CLDN14: variants seen among roughly 807,000 people sequenced by gnomAD.
The protein encoded by CLDN14 is claudin 14, also known as claudin-14.
CLDN14 carries 2 observed loss-of-function variants against 2.1 expected under a neutral mutation model. The observed-to-expected ratio is 0.96, with a 90% CI of 0.39 to 3.01. The LOEUF is 3.01. CLDN14 is among the 30% of genes most tolerant of loss of function. CLDN14 has a pLI of 0.09. For missense variants in CLDN14, 298 were observed against 328.0 expected, an observed-to-expected ratio of 0.91 and a Z score of 0.71; for synonymous variants, 136 against 154.4, an observed-to-expected ratio of 0.88 and a Z score of 0.88.
At chr21:36,523,813 AAGAAAGAAAG>A (rs2087297843) in intron 1 of CLDN14, among the ~76,000 whole-genome samples, 2 of 138,356 alleles carry the variant, frequency 1.4e-5, no homozygotes, top group East Asian at 4.0e-4. Flanking sequence ...GAAAGAAAGA[AAGAAAGAAAG>A]AAAGAAAGAA....
chr21:36,574,952 C>A (rs1360956842), intron 1 of CLDN14, among the ~76,000 whole-genome samples: 1 of 152,174 alleles, frequency 6.6e-6, no homozygotes, highest in African/African-American at 2.4e-5. Flanking sequence ...TCTTTAGATA[C>A]TGGCAGAGAT....
At chr21:36,470,263 G>A (rs558041508) in intron 1 of CLDN14, among the ~76,000 whole-genome samples, 1 of 152,266 alleles carries the variant, frequency 6.6e-6, no homozygotes, top group South Asian at 2.1e-4. Context: ...TAGGGTCATT[G>A]CAGATGTAAT....
chr21:36,467,152 G>A (rs1315083446), intron 1 of CLDN14, among the ~76,000 whole-genome samples: 2 of 152,184 alleles, frequency 1.3e-5, no homozygotes, highest in Non-Finnish European at 2.9e-5. Flanking sequence ...TTCTGTGTGT[G>A]TCCATATAAA....
chr21:36,535,013 T>A (rs914148), intron 1 of CLDN14, among the ~76,000 whole-genome samples: 72,526 of 151,990 alleles, frequency 0.48, 19,454 homozygotes, highest in Middle Eastern at 0.62. Flanking sequence ...AAAGGAGAGG[T>A]GGAAACAACA....
intron 1 of CLDN14, among the ~76,000 whole-genome samples, chr21:36,475,157 T>G (rs2086761141): frequency 6.6e-6 from 1 of 152,154 alleles, no homozygotes; most frequent in Non-Finnish European, 1.5e-5. Flanking sequence ...CCCAGCACCA[T>G]CAACTGCACT....
At chr21:36,468,714 A>G (rs2086676109) in intron 1 of CLDN14, among the ~76,000 whole-genome samples, 2 of 152,180 alleles carry the variant, frequency 1.3e-5, no homozygotes, top group South Asian at 2.1e-4. Flanking sequence ...ATGTATCTGC[A>G]TGAAGTAACT....
At chr21:36,535,540 T>C (rs1430393480) in intron 1 of CLDN14, among the ~76,000 whole-genome samples, 3 of 152,146 alleles carry the variant, frequency 2.0e-5, no homozygotes, top group Non-Finnish European at 4.4e-5. Context: ...ACTATAAAAA[T>C]ACATTTAAAG....
chr21:36,532,968 C>CG (rs1191243839), intron 1 of CLDN14, among the ~76,000 whole-genome samples: 4 of 152,082 alleles, frequency 2.6e-5, no homozygotes, highest in Non-Finnish European at 5.9e-5. Context: ...CTTTGAGTCA[C>CG]GACACCCCTG....
chr21:36,468,823 G>C (rs1433900386), intron 1 of CLDN14, among the ~76,000 whole-genome samples: 2 of 150,664 alleles, frequency 1.3e-5, no homozygotes, highest in East Asian at 1.9e-4. Context: ...ACAGTGGCAC[G>C]ATCTTGGCTC....
chr21:36,536,639 G>T (rs1033328982), intron 1 of CLDN14, among the ~76,000 whole-genome samples: 27 of 152,256 alleles, frequency 1.8e-4, no homozygotes, highest in African/African-American at 6.3e-4. Context: ...GAAATTTTGC[G>T]TTTAGTTATA....
intron 2 of CLDN14, among the ~76,000 whole-genome samples, chr21:36,503,885 C>T (rs756275093): frequency 3.3e-5 from 5 of 151,796 alleles, no homozygotes; most frequent in Non-Finnish European, 5.9e-5. Context: ...ATAAATATTA[C>T]TGAGTTACTG....
In CLDN14 at chr21:36,498,103, C is replaced by A. The variant is rs774144752; in HGVS notation, c.-82+12260G>T. Among the ~76,000 whole-genome samples, 1 of 151,868 alleles carries A rather than the reference C, an allele frequency of 6.6e-6. No individual in the cohort carries two copies. The highest frequency in any genetic ancestry group is 2.4e-5 in the African/African-American group (1 of 41,318). ...CAACCTCCACCGCCCGGGGTTCAAG[C>A]GATTCTCCTGTCTCAGCCTCATGAG... On this transcript the variant is annotated intron_variant, in intron 2 of 2. Coordinates refer to the CLDN14 transcript ENST00000342108. The surrounding 1 kb of genome is among the most constrained non-coding windows in gnomAD (Gnocchi z 4.9).
In CLDN14 at chr21:36,461,794, G is replaced by T; in HGVS notation, c.-81-18C>A. On this transcript the variant is annotated intron_variant, in intron 1 of 1. Coordinates refer to ENST00000399135, the MANE Select transcript of CLDN14 (RefSeq NM_001146079.2). ...CCGGAGCCCTAATGAAGCCAAGGGAGGCGGGAGCAGGGAGAGAAAGGAAAT... is the reference window on the plus strand; with the variant it reads ...CCGGAGCCCTAATGAAGCCAAGGGATGCGGGAGCAGGGAGAGAAAGGAAAT... 2 of 1,473,220 alleles carry T rather than the reference G, an allele frequency of 1.4e-6. No individual in the cohort carries two copies. Among genetic ancestry groups the T allele is most frequent in the Admixed American group, 4.2e-5 (2 of 48,160 alleles). The allele number at this position is 1,473,220 out of a possible 1,614,324, so 91.3% of individuals were successfully genotyped here.
intron 2 of CLDN14, among the ~76,000 whole-genome samples, chr21:36,500,728 G>A (rs1003546468): frequency 5.3e-5 from 8 of 152,148 alleles, no homozygotes; most frequent in East Asian, 1.9e-4. Flanking sequence ...CACCGTGCCC[G>A]GCTGATACAT....
intron 2 of CLDN14, among the ~76,000 whole-genome samples, chr21:36,510,084 C>T (rs1455574890): frequency 6.6e-6 from 1 of 152,192 alleles, no homozygotes; most frequent in Non-Finnish European, 1.5e-5. Context: ...ATGTCCAGGG[C>T]TCAGTTGGGT....
At chr21:36,570,808 T>G (rs1399515416) in intron 1 of CLDN14, among the ~76,000 whole-genome samples, 1 of 152,220 alleles carries the variant, frequency 6.6e-6, no homozygotes, top group Admixed American at 6.5e-5. Context: ...GTAAGAAGAA[T>G]ATTTTAAAAT....
chr21:36,564,579 C>T (rs2087658991), intron 1 of CLDN14, among the ~76,000 whole-genome samples: 1 of 152,134 alleles, frequency 6.6e-6, no homozygotes, highest in Non-Finnish European at 1.5e-5. Context: ...GAGTCAATTC[C>T]AGGGCGTTTC....
At chr21:36,475,309 G>A (rs567688986) in intron 1 of CLDN14, among the ~76,000 whole-genome samples, 1 of 152,330 alleles carries the variant, frequency 6.6e-6, no homozygotes, top group African/African-American at 2.4e-5. Context: ...GTCAAAGCTG[G>A]GATGGAGGGA....
chr21:36,543,452 T>C (rs1040383551), intron 1 of CLDN14, among the ~76,000 whole-genome samples: 8 of 152,168 alleles, frequency 5.3e-5, no homozygotes, highest in South Asian at 2.1e-4. Context: ...GATAGGGAAG[T>C]TTCTCAGGAT....
Sources: allele counts gnomAD v4.1 joint callset (sites outside exome capture counted in the v4.1 genomes callset), GRCh38; gene constraint gnomAD v4.1.1; non-coding constraint Gnocchi (gnomAD v3.1); transcripts MANE v1.5; gene names NCBI Gene and HGNC (gene_info 2026-07-23, HGNC 2026-07-21).